NOL11: variants seen among roughly 807,000 people sequenced by gnomAD.
The protein encoded by NOL11 is nucleolar protein 11.
NOL11 carries 42 observed loss-of-function variants against 93.0 expected under a neutral mutation model. The ratio of observed to expected loss-of-function variants is 0.45; its 90% CI spans 0.35 to 0.58. The LOEUF (loss-of-function observed/expected upper bound fraction) is 0.58, where lower values mean the gene tolerates loss of function less well. Ranked by LOEUF, NOL11 falls within the 20% of genes least tolerant of loss-of-function variation. The pLI is 0.00. For missense variants in NOL11, 775 were observed against 841.8 expected, an observed-to-expected ratio of 0.92 and a Z score of 0.98; for synonymous variants, 296 against 293.7, an observed-to-expected ratio of 1.01 and a Z score of -0.08.
chr17:67,725,144 C>G (rs1208791068), intron 6 of NOL11, among the ~76,000 whole-genome samples: 4 of 152,178 alleles, frequency 2.6e-5, no homozygotes, highest in African/African-American at 9.7e-5. Flanking sequence ...CACTTTTTAG[C>G]TGATAAGGCC....
At chr17:67,736,983 A>C in intron 10 of NOL11, 88 bp from the exon 11 acceptor site, 1 of 892,056 alleles carries the variant, frequency 1.1e-6, no homozygotes, top group Non-Finnish European at 1.8e-6. Context: ...AAAGTGTGCT[A>C]ATCTCTTTGG....
intron 16 of NOL11, 113 bp downstream of exon 16, chr17:67,739,721 G>C: frequency 1.5e-6 from 1 of 662,006 alleles, no homozygotes; most frequent in Non-Finnish European, 2.6e-6. Context: ...TAGGCCGTAG[G>C]AATCCCTTCC....
chr17:67,737,822 A>C (rs574912540), intron 12 of NOL11, 25 bp from the exon 13 acceptor site: 1 of 1,602,862 alleles, frequency 6.2e-7, no homozygotes, highest in Admixed American at 1.8e-5. Context: ...AATATGTAAT[A>C]GTGATTCAGA....
At chr17:67,738,758 T>G (rs1474375378) in intron 14 of NOL11, 174 bp from the exon 15 acceptor site, 1 of 561,630 alleles carries the variant, frequency 1.8e-6, no homozygotes, top group African/African-American at 1.9e-5. Context: ...TAAATACCAA[T>G]TAAAGTATTC....
chr17:67,743,304 C>A, intron 16 of NOL11, 175 bp from the exon 17 acceptor site: 1 of 422,178 alleles, frequency 2.4e-6, no homozygotes, highest in Non-Finnish European at 4.2e-6. Context: ...TTTTTAAAAG[C>A]CAGAAATGAG....
At position 67,721,474 on chromosome 17, in the gene NOL11, G is replaced by A; in HGVS notation, c.409G>A (p.Ala137Thr). 1 of 1,614,058 alleles carries A rather than the reference G, an allele frequency of 6.2e-7. No individual in the cohort carries two copies. Among genetic ancestry groups the A allele is most frequent in the Non-Finnish European group, 8.5e-7 (1 of 1,179,934 alleles). The change falls in exon 4 of 18, where the codon GCA becomes ACA. Residue 137 changes from alanine to threonine, a missense_variant. Around this residue, in one of 2 missense-constraint regions of NOL11, gnomAD observed 359 missense variants for 316.5 expected, o/e 1.13. Transcript: ENST00000253247. The stretch of plus-strand genomic sequence containing the variant: ...TGTTCGTGGTTTAGAGGCCTTGCTT[G>A]CAGACCCCCAGCAGAAAATTGAAAC... ...GAVRGLEALL[A>T]DPQQKIETVI...
In NOL11 at chr17:67,719,747, A is replaced by C. The variant is rs756066556; in HGVS notation, c.215A>C (p.Asn72Thr). The change falls in exon 2 of 18, where the codon AAC becomes ACC. Residue 72 changes from asparagine (N) to threonine (T), a missense_variant. By Grantham distance (65) the Asn-to-Thr change is moderately conservative (BLOSUM62 0). Coordinates refer to ENST00000253247, the MANE Select transcript of NOL11 (RefSeq NM_015462.5). Reference protein sequence around the residue: ...GQIITCPAVCNFQTGEYVVVH... With the variant: ...GQIITCPAVCTFQTGEYVVVH... ...ATTATAACATGTCCAGCTGTGTGCA[A>C]CTTTCAAACTGGAGAGTATGTTGTT... 2 of 1,610,286 alleles carry C rather than the reference A, an allele frequency of 1.2e-6. No individual in the cohort carries two copies. Among genetic ancestry groups the C allele is most frequent in the Non-Finnish European group, 1.7e-6 (2 of 1,178,520 alleles).
At chr17:67,743,336 T>G in intron 16 of NOL11, 143 bp from the exon 17 acceptor site, 1 of 449,534 alleles carries the variant, frequency 2.2e-6, no homozygotes, top group Non-Finnish European at 4.0e-6. Context: ...TTCGTAGAAA[T>G]TGCTCCATCT....
intron 16 of NOL11, among the ~76,000 whole-genome samples, chr17:67,742,769 A>C (rs1283640734): frequency 6.6e-6 from 1 of 152,196 alleles, no homozygotes; most frequent in East Asian, 1.9e-4. Context: ...TGGAAGATGT[A>C]GGACTACATA....
intron 6 of NOL11, among the ~76,000 whole-genome samples, chr17:67,724,523 G>A (rs887697603): frequency 1.1e-4 from 16 of 151,762 alleles, no homozygotes; most frequent in Admixed American, 2.6e-4. Flanking sequence ...TAGTAGAGAC[G>A]GTTTCGCCAT....
intron 4 of NOL11, among the ~76,000 whole-genome samples, 192 bp from the exon 5 acceptor site, chr17:67,722,388 T>A (rs557739578): frequency 6.6e-6 from 1 of 152,334 alleles, no homozygotes; most frequent in Admixed American, 6.5e-5. Flanking sequence ...AACCTGCATT[T>A]AATCCAGAGC....
chr17:67,737,832 AT>A lies in NOL11; in HGVS notation c.1404-8del. 6.2e-7 allele frequency: 1 copy of A among 1,603,388 alleles called. No individual in the cohort carries two copies. On this transcript the variant is annotated splice_polypyrimidine_tract_variant and intron_variant, in intron 12 of 17. Coordinates refer to ENST00000253247, the MANE Select transcript of NOL11 (RefSeq NM_015462.5). ...TTCTTAATATGTAATAGTGATTCAG[AT>A]TTTTTTGTCTTAGTTTGTGCCCCGA...
chr17:67,739,613 G>T lies in NOL11; in HGVS notation c.1935+5G>T, dbSNP rs2055236507. 5 of 1,549,554 alleles carry T rather than the reference G, an allele frequency of 3.2e-6. No individual in the cohort carries two copies. Among genetic ancestry groups the T allele is most frequent in the Middle Eastern group, 1.9e-4 (1 of 5,398 alleles). ...CACCCACCTACCTTGAACCAGGTGA[G>T]ATTATTTTTTTACTTTGATTTGGTG... On this transcript the variant is annotated splice_donor_5th_base_variant and intron_variant, in intron 16 of 17. Transcript: ENST00000253247.
chr17:67,728,184 T>C (rs2055117216), intron 7 of NOL11, among the ~76,000 whole-genome samples: 1 of 152,086 alleles, frequency 6.6e-6, no homozygotes, highest in South Asian at 2.1e-4. Flanking sequence ...GGCGTGAGCC[T>C]GGGAGGCAGA....
intron 17 of NOL11, 45 bp from the exon 18 acceptor site, chr17:67,743,698 A>G: frequency 1.6e-6 from 2 of 1,241,678 alleles, no homozygotes; most frequent in Non-Finnish European, 2.3e-6. Context: ...ATTTGTTTCT[A>G]TGTAGACATT....
In NOL11 at chr17:67,734,231, GCAAT is replaced by G. The variant is rs1318463355; in HGVS notation, c.854-129_854-126del. The G allele has an allele frequency of 1.1e-5, 7 of 619,278 alleles. No homozygotes were observed. The African/African-American group carries it at 1.4e-4, about 12-fold the overall frequency. 38.4% of individuals were successfully genotyped at this position (619,278 alleles called of 1,614,324 possible). The stretch of plus-strand genomic sequence containing the variant: ...GCTCTCATTTCTTCCAGTTCCTGTG[GCAAT>G]CACTGTCTTCATAATTCATTTCTAT... On this transcript the variant is annotated intron_variant, in intron 7 of 17. Coordinates refer to ENST00000253247, the MANE Select transcript of NOL11 (RefSeq NM_015462.5).
chr17:67,724,834 A>G (rs3785555), intron 6 of NOL11, among the ~76,000 whole-genome samples: 134,262 of 151,932 alleles, frequency 0.88, 59,364 homozygotes, highest in East Asian at 0.95. Flanking sequence ...TGAGGTGGGC[A>G]GATCACAAGG....
chr17:67,740,338 G>A (rs967761479), intron 16 of NOL11, among the ~76,000 whole-genome samples: 2 of 151,834 alleles, frequency 1.3e-5, no homozygotes, highest in African/African-American at 2.4e-5. Context: ...TGCTGGGTGC[G>A]GTGGCTCATG....
chr17:67,728,383 C>T (rs181728492), intron 7 of NOL11, among the ~76,000 whole-genome samples: 35 of 152,310 alleles, frequency 2.3e-4, no homozygotes, highest in African/African-American at 8.2e-4. Flanking sequence ...TTACTATCCC[C>T]CTTTACAAAA....
Sources: allele counts gnomAD v4.1 joint callset (sites outside exome capture counted in the v4.1 genomes callset), GRCh38; gene constraint gnomAD v4.1.1; regional missense constraint gnomAD v4.1.1; transcripts MANE v1.5; gene names NCBI Gene and HGNC (gene_info 2026-07-23, HGNC 2026-07-21).